Variants in SNTA1 observed in about 807,000 individuals in gnomAD.
SNTA1 encodes the protein syntrophin alpha 1.
In SNTA1, 31 loss-of-function variants were observed where a neutral mutation model predicts 47.1. The observed-to-expected ratio is 0.66, with a 90% confidence interval of 0.49 to 0.89. The LOEUF is 0.89. Among genes scored for constraint, SNTA1 ranks in the 40% least tolerant of loss-of-function variants. The probability of loss-of-function intolerance (pLI) is 0.00; values close to 1 mark genes in which losing one functional copy is unlikely to be tolerated. For missense variants in SNTA1, 575 were observed against 693.0 expected (o/e 0.83, Z 1.91); for synonymous variants, 300 against 313.6 (o/e 0.96, Z 0.46).
chr20:33,423,690 A>G (rs1990089388), intron 2 of SNTA1, among the ~76,000 whole-genome samples: 1 of 152,226 alleles, frequency 6.6e-6, no homozygotes, highest in African/African-American at 2.4e-5. Flanking sequence ...AGGATCACTC[A>G]TCAGGCCCAG....
chr20:33,414,245 CAAAAAAAAAA>C (rs56186098), intron 3 of SNTA1, among the ~76,000 whole-genome samples: 22 of 29,268 alleles, frequency 7.5e-4, no homozygotes, highest in African/African-American at 1.9e-3. Flanking sequence ...TCTCAAAAAC[CAAAAAAAAAA>C]AAAAAAAAAA....
intron 2 of SNTA1, among the ~76,000 whole-genome samples, chr20:33,433,879 T>C (rs1323032255): frequency 1.3e-5 from 2 of 151,998 alleles, no homozygotes; most frequent in Non-Finnish European, 1.5e-5. Context: ...AGGAGGCAGG[T>C]TGGGGTTGCT....
At chr20:33,416,259 G>A (rs1222905844) in intron 3 of SNTA1, among the ~76,000 whole-genome samples, 1 of 152,134 alleles carries the variant, frequency 6.6e-6, no homozygotes, top group Non-Finnish European at 1.5e-5. Context: ...AGCCAATGTT[G>A]GGCATTTGCT....
chr20:33,408,705 T>C lies in SNTA1; in HGVS notation c.1421A>G (p.Glu474Gly), dbSNP rs1184249112. 6.2e-7 allele frequency: 1 copy of C among 1,613,870 alleles called. No homozygotes were observed. The highest frequency in any genetic ancestry group is 1.7e-5 in the Admixed American group (1 of 59,984). Residue 474 changes from glutamate to glycine, a missense_variant, in exon 7 of 8, where the codon GAG (glutamate) becomes GGG (glycine). Transcript: ENST00000217381. ...CAGAGGCAGCCCCTCACTCACGATCTCGCCTTCAGCACCTCCAAAATCCAG... is the reference window on the plus strand; with the variant it reads ...CAGAGGCAGCCCCTCACTCACGATCCCGCCTTCAGCACCTCCAAAATCCAG... Reference protein sequence around the residue: ...LFLDFGGAEGEIQLDLHSCPK... With the variant: ...LFLDFGGAEGGIQLDLHSCPK...
rs1033217999 is a variant in SNTA1 at position 33,443,464 on chromosome 20, G to C, written c.157C>G (p.Pro53Ala). Residue 53 changes from proline (P) to alanine (A), a missense_variant, in exon 1 of 8, where the codon CCC becomes GCC. Transcript: ENST00000217381. The stretch of plus-strand genomic sequence containing the variant: ...GGCTCCTGCTCCCGCGGAGCGCCGG[G>C]CTCGGGACCAGGGTCGCCGTCGGCG... Reference protein sequence around the residue: ...SPADGDPGPEPGAPREQEPAQ... With the variant: ...SPADGDPGPEAGAPREQEPAQ... 5.2e-5 allele frequency: 71 copies of C among 1,372,170 alleles called. No individual in the cohort carries two copies. The highest frequency in any genetic ancestry group is 6.6e-5 in the Non-Finnish European group (70 of 1,059,264). The allele number at this position is 1,372,170 out of a possible 1,614,324, so 85.0% of individuals were successfully genotyped here. A position where few individuals can be genotyped will look rare whatever the true frequency, so the allele number is the denominator to read the frequency against.
At chr20:33,432,686 G>A (rs1005017197) in intron 2 of SNTA1, among the ~76,000 whole-genome samples, 8 of 152,134 alleles carry the variant, frequency 5.3e-5, no homozygotes, top group Non-Finnish European at 1.2e-4. Flanking sequence ...AACACAGGGA[G>A]ACCCTGTTTC....
Position 33,410,966 on chromosome 20 carries a change from C to T in SNTA1, c.1041-635G>A, listed in dbSNP as rs375436446. Among the ~76,000 whole-genome samples the T allele has an allele frequency of 4.6e-5, 7 of 152,222 alleles. No individual in the cohort carries two copies. In the South Asian group the frequency reaches 1.5e-3, roughly 32 times the overall value. ...TCCAGGACCTAGTTATCCCTAGTAG[C>T]CAGCAGGCTCCTGACACACGGGCCA... On this transcript the variant is annotated intron_variant, in intron 5 of 7. Transcript: ENST00000217381.
chr20:33,420,992 A>C (rs116580518), intron 2 of SNTA1, among the ~76,000 whole-genome samples: 2,468 of 151,800 alleles, frequency 0.016, 62 homozygotes, highest in African/African-American at 0.055. Flanking sequence ...TCAAAAAAAA[A>C]AAAGAAAAAG....
At chr20:33,439,145 C>T (rs963732238) in intron 1 of SNTA1, 119 bp from the exon 2 acceptor site, 9 of 899,540 alleles carry the variant, frequency 1.0e-5, no homozygotes, top group Non-Finnish European at 1.7e-5. Flanking sequence ...CTGGAAAAGG[C>T]AATGGGAGAA....
At chr20:33,420,642 C>G (rs1167966298) in intron 2 of SNTA1, among the ~76,000 whole-genome samples, 1 of 152,166 alleles carries the variant, frequency 6.6e-6, no homozygotes, top group Admixed American at 6.6e-5. Flanking sequence ...ATCACACTAA[C>G]TACTCAGAGG....
At chr20:33,420,908 C>T (rs968463624) in intron 2 of SNTA1, among the ~76,000 whole-genome samples, 11 of 151,174 alleles carry the variant, frequency 7.3e-5, no homozygotes, top group African/African-American at 2.7e-4. Flanking sequence ...TGCTTGAACC[C>T]GGGAGGCGGA....
Position 33,417,793 on chromosome 20 carries a change from G to C in SNTA1, c.627C>G (p.Phe209Leu). The C allele has an allele frequency of 6.2e-7, 1 of 1,614,112 alleles. No homozygotes were observed. Among genetic ancestry groups the C allele is most frequent in the Non-Finnish European group, 8.5e-7 (1 of 1,180,008 alleles). ...TCAAGGACATGTGTTTGGCCTCGCT[G>C]AAGTTCCGGGGTGTGGGGCCAGGGG... ...PSSPGPTPRN[F>L]SEAKHMSLKM... Residue 209 changes from phenylalanine to leucine, a missense_variant, in exon 3 of 8, where the codon TTC (phenylalanine) becomes TTG (leucine). Phe to Leu is a conservative substitution (Grantham distance 22). Transcript: ENST00000217381.
intron 2 of SNTA1, among the ~76,000 whole-genome samples, chr20:33,420,357 C>T (rs559049269): frequency 5.3e-5 from 8 of 152,254 alleles, no homozygotes; most frequent in South Asian, 2.1e-4. Flanking sequence ...TCAAGATGTT[C>T]GGGAGGATAA....
At chr20:33,422,880 G>A (rs1443482456) in intron 2 of SNTA1, among the ~76,000 whole-genome samples, 1 of 152,120 alleles carries the variant, frequency 6.6e-6, no homozygotes, top group Non-Finnish European at 1.5e-5. Flanking sequence ...GACAGGCCCA[G>A]CTCAGAGGTC....
At chr20:33,424,151 C>T (rs1200604058) in intron 2 of SNTA1, among the ~76,000 whole-genome samples, 2 of 151,706 alleles carry the variant, frequency 1.3e-5, no homozygotes, top group East Asian at 3.9e-4. Flanking sequence ...CCTGTCTCTA[C>T]TAAAAATACA....
intron 7 of SNTA1, 23 bp from the exon 8 acceptor site, chr20:33,408,622 A>T: frequency 6.2e-7 from 1 of 1,612,316 alleles, no homozygotes; most frequent in Non-Finnish European, 8.5e-7. Context: ...TGGAGAGAAG[A>T]GTCAGGGCCC....
At position 33,408,744 on chromosome 20, in the gene SNTA1, G is replaced by C. The variant is rs1299230902; in HGVS notation, c.1382C>G (p.Ala461Gly). Residue 461 changes from alanine (A) to glycine (G), a missense_variant, in exon 7 of 8, where the codon GCC (alanine) becomes GGC (glycine). Ala to Gly is a moderately conservative substitution (Grantham distance 60, BLOSUM62 0). Coordinates refer to ENST00000217381, the MANE Select transcript of SNTA1 (RefSeq NM_003098.3). The part of the protein sequence containing the change: ...EKLQMSSDDG[A>G]SLLFLDFGGA... ...TCCAAAATCCAGGAAAAGGAGACTGGCACCGTCATCTGAAGACATCTGCAG... is the reference window on the plus strand; with the variant it reads ...TCCAAAATCCAGGAAAAGGAGACTGCCACCGTCATCTGAAGACATCTGCAG... 6.2e-7 allele frequency: 1 copy of C among 1,614,104 alleles called. No individual in the cohort carries two copies. The highest frequency in any genetic ancestry group is 8.5e-7 in the Non-Finnish European group (1 of 1,180,012).
intron 2 of SNTA1, among the ~76,000 whole-genome samples, chr20:33,426,001 G>T (rs1990160745): frequency 6.7e-6 from 1 of 149,008 alleles, no homozygotes; most frequent in Non-Finnish European, 1.5e-5. Context: ...GCTTGAATCA[G>T]GGAGACAGAG....
chr20:33,442,819 T>A (rs1253779468), intron 1 of SNTA1, among the ~76,000 whole-genome samples: 1 of 152,094 alleles, frequency 6.6e-6, no homozygotes, highest in Non-Finnish European at 1.5e-5. Flanking sequence ...CTTGCTGGCC[T>A]TCTGCCTGTG....
Sources: gnomAD v4.1 joint callset for allele counts (sites outside exome capture counted in the v4.1 genomes callset) on GRCh38, gnomAD v4.1.1 for gene constraint, MANE v1.5 for transcripts, NCBI Gene and HGNC (gene_info 2026-07-23, HGNC 2026-07-21) for gene names.